DNAJB1: variants seen among roughly 807,000 people sequenced by gnomAD.
DNAJB1 encodes the protein dnaJ homolog subfamily B member 1.
DNAJB1 carries 14 observed loss-of-function variants against 24.0 expected under a neutral mutation model. The ratio of observed to expected loss-of-function variants is 0.58; its 90% CI spans 0.39 to 0.91. The LOEUF (loss-of-function observed/expected upper bound fraction) is 0.91. DNAJB1 is among the 40% of genes least tolerant of loss of function. DNAJB1 has a pLI of 0.00. For missense variants in DNAJB1, 517 were observed against 458.1 expected, an observed-to-expected ratio of 1.13 and a Z score of -1.17; for synonymous variants, 262 against 174.4, an observed-to-expected ratio of 1.50 and a Z score of -3.96.
intron 1 of DNAJB1, among the ~76,000 whole-genome samples, chr19:14,546,698 T>G (rs1450087046): frequency 6.6e-6 from 1 of 152,224 alleles, no homozygotes. Context: ...TTCTTTTCTT[T>G]TTTTAAGACG....
chr19:14,548,854 C>T (rs374943326), intron 1 of DNAJB1, among the ~76,000 whole-genome samples: 17 of 152,168 alleles, frequency 1.1e-4, no homozygotes, highest in East Asian at 3.9e-4. Context: ...TGATTACAGG[C>T]GGGAGCCACC....
chr19:14,517,822 C>CCGTCCCCGT lies in DNAJB1; in HGVS notation c.211+308_211+316dup, dbSNP rs2072300192. The CCGTCCCCGT allele has an allele frequency of 1.1e-5, 3 of 267,208 alleles. No individual in the cohort carries two copies. In the South Asian group the frequency reaches 5.0e-4, roughly 44 times the overall value. The allele number at this position is 267,208 out of a possible 1,614,324, so 16.6% of individuals were successfully genotyped here. ...CGGGTCCGCAGCGGGCTCCGCCGCG[C>CCGTCCCCGT]CGTCCCCGTCGTCACCCCCGGCTCC... On this transcript the variant is annotated intron_variant, in intron 1 of 2. Coordinates refer to ENST00000254322, the MANE Select transcript of DNAJB1 (RefSeq NM_006145.3).
chr19:14,557,855 G>A (rs1377880582), intron 1 of DNAJB1, among the ~76,000 whole-genome samples: 3 of 150,972 alleles, frequency 2.0e-5, no homozygotes, highest in African/African-American at 4.9e-5. Flanking sequence ...TCCCGGGTTC[G>A]CGCCATTCTC....
At chr19:14,538,536 CTTT>C (rs5827232) in intron 1 of DNAJB1, among the ~76,000 whole-genome samples, 37 of 136,720 alleles carry the variant, frequency 2.7e-4, no homozygotes, top group Admixed American at 2.9e-4. Flanking sequence ...TCTTTTTTTT[CTTT>C]TTTTTTTTTT....
upstream of DNAJB1, among the ~76,000 whole-genome samples, chr19:14,522,831 CAACT>C (rs1319602788): frequency 6.6e-6 from 1 of 152,024 alleles, no homozygotes; most frequent in Non-Finnish European, 1.5e-5. Flanking sequence ...AATCCTGGAC[CAACT>C]GTTTCCTTAT....
intron 1 of DNAJB1, chr19:14,545,000 T>C (rs73002853): frequency 0.31 from 135,059 of 432,012 alleles, 24,546 homozygotes; most frequent in Non-Finnish European, 0.41. Flanking sequence ...ACTCCTTCCC[T>C]TCTCTGTTCC....
intron 1 of DNAJB1, among the ~76,000 whole-genome samples, chr19:14,538,398 C>T (rs4528685): frequency 0.29 from 43,799 of 151,926 alleles, 7,649 homozygotes; most frequent in Non-Finnish European, 0.4. Flanking sequence ...GCATGCTTCG[C>T]GGCCCACAGG....
chr19:14,543,407 ATATATATATATATTTTTTTTTTTTTTTT>A (rs2073177483), intron 1 of DNAJB1, among the ~76,000 whole-genome samples: 1 of 11,716 alleles, frequency 8.5e-5, no homozygotes, highest in Non-Finnish European at 2.0e-4. Context: ...ATATATATAT[ATATATATATATATTTTTTTTTTTTTTTT>A]TTTTTTTTTT....
At chr19:14,541,749 G>A (rs2073102828) in intron 1 of DNAJB1, among the ~76,000 whole-genome samples, 1 of 151,784 alleles carries the variant, frequency 6.6e-6, no homozygotes, top group Non-Finnish European at 1.5e-5. Context: ...GCAGGGCTTT[G>A]TAGCCACCCA....
At chr19:14,517,335 C>A in intron 1 of DNAJB1, 1 of 360,542 alleles carries the variant, frequency 2.8e-6, no homozygotes, top group Non-Finnish European at 5.1e-6. Flanking sequence ...ATCCTCCTGG[C>A]AACATCACCA....
At chr19:14,547,344 T>A (rs1169792332) in intron 1 of DNAJB1, among the ~76,000 whole-genome samples, 1 of 99,080 alleles carries the variant, frequency 1.0e-5, no homozygotes, top group Non-Finnish European at 2.4e-5. Flanking sequence ...GTACCTGGCC[T>A]ATTTTATTTT....
chr19:14,541,903 C>G (rs1016634084), intron 1 of DNAJB1, among the ~76,000 whole-genome samples: 3 of 151,998 alleles, frequency 2.0e-5, no homozygotes, highest in African/African-American at 7.3e-5. Context: ...CTGCCTCAGC[C>G]TCCCGATTGG....
upstream of DNAJB1, among the ~76,000 whole-genome samples, chr19:14,521,930 A>G (rs935229256): frequency 6.6e-6 from 1 of 152,024 alleles, no homozygotes; most frequent in African/African-American, 2.4e-5. Context: ...CCAGTTCGGG[A>G]AGTTTTAATT....
chr19:14,552,398 GGA>G (rs2073559162), upstream of DNAJB1, among the ~76,000 whole-genome samples: 3 of 151,698 alleles, frequency 2.0e-5, no homozygotes. Flanking sequence ...TTTTATTGTA[GGA>G]GCTTTGGGCC....
intron 1 of DNAJB1, among the ~76,000 whole-genome samples, chr19:14,538,000 C>T (rs551362695): frequency 6.6e-6 from 1 of 152,182 alleles, no homozygotes; most frequent in African/African-American, 2.4e-5. Context: ...CCCAACTTGG[C>T]CTCCCAAAGT....
intron 1 of DNAJB1, among the ~76,000 whole-genome samples, chr19:14,549,294 C>A (rs1377770731): frequency 6.8e-6 from 1 of 146,924 alleles, no homozygotes; most frequent in African/African-American, 2.5e-5. Context: ...CTCACTGCAA[C>A]CTCTGCCTCC....
At chr19:14,556,406 C>CT (rs1227740207) in intron 1 of DNAJB1, among the ~76,000 whole-genome samples, 3 of 60,198 alleles carry the variant, frequency 5.0e-5, no homozygotes, top group East Asian at 6.0e-4. Flanking sequence ...GCGAGACTCT[C>CT]TCAAAAAAAA....
upstream of DNAJB1, chr19:14,529,907 C>T (rs2072558216): frequency 1.6e-5 from 12 of 765,854 alleles, 1 homozygote; most frequent in South Asian, 2.0e-4. Flanking sequence ...ATTTATAAAT[C>T]TGCAACCCAG....
At chr19:14,529,523 T>A (rs1370698836), upstream of DNAJB1, 2 of 846,518 alleles carry the variant, frequency 2.4e-6, no homozygotes, top group Non-Finnish European at 4.0e-6. Context: ...GGGGCGAACG[T>A]GGGCGCCTCG....
Sources: gnomAD v4.1 joint callset for allele counts (sites outside exome capture counted in the v4.1 genomes callset) on GRCh38, gnomAD v4.1.1 for gene constraint, MANE v1.5 for transcripts, NCBI Gene and HGNC (gene_info 2026-07-23, HGNC 2026-07-21) for gene names.